TRMO: variants seen among roughly 807,000 people sequenced by gnomAD.
The protein encoded by TRMO is tRNA methyltransferase O, also known as tRNA (adenine(37)-N6)-methyltransferase.
A neutral mutation model predicts 37.2 loss-of-function variants in TRMO; 30 were observed. That is an observed-to-expected ratio of 0.81 (90% CI 0.60 to 1.09). The LOEUF (loss-of-function observed/expected upper bound fraction) is 1.09, where lower values mean the gene tolerates loss of function less well. Ranked by LOEUF, TRMO falls within the 50% of genes least tolerant of loss-of-function variation. The probability of loss-of-function intolerance (pLI) is 0.00; values close to 1 mark genes in which losing one functional copy is unlikely to be tolerated. For synonymous variants in TRMO, 239 were observed against 199.4 expected (o/e 1.20, Z -1.67); for missense variants, 552 against 549.5 (o/e 1.00, Z -0.05).
At chr9:97,900,337 T>C (rs528130711), downstream of TRMO, among the ~76,000 whole-genome samples, 10 of 152,372 alleles carry the variant, frequency 6.6e-5, no homozygotes, top group Admixed American at 6.5e-4. Context: ...AGCTAGCCCA[T>C]GGCAGGGCAG....
chr9:97,904,013 C>A, downstream of TRMO, among the ~76,000 whole-genome samples: 1 of 152,020 alleles, frequency 6.6e-6, no homozygotes, highest in Admixed American at 6.6e-5. Context: ...ACCTGGGAGG[C>A]AGAGATTGCA....
chr9:97,896,888 C>T, the TRMO span, among the ~76,000 whole-genome samples: 1 of 152,132 alleles, frequency 6.6e-6, no homozygotes, highest in South Asian at 2.1e-4. Flanking sequence ...TCCTCATGTT[C>T]CACATATAAA....
chr9:97,913,458 TC>T lies in TRMO; in HGVS notation c.351del (p.Ser118AlafsTer8), dbSNP rs766127779. 1 of 1,614,096 alleles carries T rather than the reference TC, an allele frequency of 6.2e-7. No individual in the cohort carries two copies. On this transcript the variant is annotated frameshift_variant, in exon 3 of 5. Coordinates refer to ENST00000375119, the MANE Select transcript of TRMO (RefSeq NM_016481.5). LOFTEE classifies it high-confidence loss of function. ...CCTATTGCATTGGGACGATGAGGGC[TC>T]CTTGTGGAAAAAACTCCAGTCTTTG... ...NGAKTGVFSTRSPHRPNAIGL... is the reference protein window; with the variant it reads ...NGAKTGVFSTXSPHRPNAIGL...
At chr9:97,909,179 G>A (rs1276863580) in intron 4 of TRMO, among the ~76,000 whole-genome samples, 4 of 151,998 alleles carry the variant, frequency 2.6e-5, no homozygotes, top group East Asian at 1.9e-4. Context: ...CTTGAACTCC[G>A]GACCTCAAGT....
At chr9:97,913,310 G>T (rs538115666) in intron 3 of TRMO, 91 bp downstream of exon 3, 3 of 1,451,210 alleles carry the variant, frequency 2.1e-6, no homozygotes, top group Non-Finnish European at 2.9e-6. Context: ...ATTGGTACTC[G>T]TCTGAATAAA....
intron 3 of TRMO, chr9:97,912,289 T>A (rs963178029): frequency 6.5e-6 from 1 of 152,708 alleles, no homozygotes. Flanking sequence ...ACCTTCCCAA[T>A]TGAAACATTA....
chr9:97,912,784 C>A, intron 3 of TRMO: 1 of 489,272 alleles, frequency 2.0e-6, no homozygotes, highest in Non-Finnish European at 3.8e-6. Context: ...ACAAATGCAT[C>A]TGTTAGGTCA....
At chr9:97,921,716 G>A (rs1826645619) in intron 1 of TRMO, among the ~76,000 whole-genome samples, 1 of 152,062 alleles carries the variant, frequency 6.6e-6, no homozygotes, top group Non-Finnish European at 1.5e-5. Flanking sequence ...GAGCCGCTGC[G>A]CCCGGCCCAA....
chr9:97,904,496 T>C lies in TRMO; in HGVS notation c.*237A>G, dbSNP rs1480996909. The C allele has an allele frequency of 7.6e-7, 1 of 1,318,288 alleles. No individual in the cohort carries two copies. The highest frequency in any genetic ancestry group is 9.7e-7 in the Non-Finnish European group (1 of 1,035,314). 81.7% of individuals were successfully genotyped at this position (1,318,288 alleles called of 1,614,324 possible). A position where few individuals can be genotyped will look rare whatever the true frequency, so the allele number is the denominator to read the frequency against. On this transcript the variant is annotated 3_prime_UTR_variant, in exon 5 of 5. Transcript: ENST00000375119. ...GAAATTATCGAGACAGCATCACCTTTTGATTCTTTAATATCAACAGATCAA... is the reference window on the plus strand; with the variant it reads ...GAAATTATCGAGACAGCATCACCTTCTGATTCTTTAATATCAACAGATCAA...
At chr9:97,903,509 T>C (rs1361519381), downstream of TRMO, among the ~76,000 whole-genome samples, 3 of 152,256 alleles carry the variant, frequency 2.0e-5, no homozygotes, top group Non-Finnish European at 4.4e-5. Flanking sequence ...ATGTATCATG[T>C]TGACAGGTGT....
chr9:97,922,286 T>A, intron 1 of TRMO, 132 bp downstream of exon 1: 1 of 660,516 alleles, frequency 1.5e-6, no homozygotes, highest in East Asian at 2.8e-5. Context: ...ACGTGACCCG[T>A]GCCTTCGCCG....
chr9:97,921,567 A>C (rs896498581), intron 1 of TRMO, among the ~76,000 whole-genome samples: 2 of 151,706 alleles, frequency 1.3e-5, no homozygotes, highest in African/African-American at 4.8e-5. Flanking sequence ...GGACTACAGG[A>C]GCCCACCACC....
intron 1 of TRMO, among the ~76,000 whole-genome samples, chr9:97,922,120 G>A (rs1165346656): frequency 2.6e-5 from 4 of 152,090 alleles, no homozygotes; most frequent in African/African-American, 9.7e-5. Flanking sequence ...CATACGCTAT[G>A]GCAAGGAAAC....
intron 1 of TRMO, among the ~76,000 whole-genome samples, chr9:97,922,125 G>A (rs540725865): frequency 6.6e-6 from 1 of 152,246 alleles, no homozygotes; most frequent in South Asian, 2.1e-4. Context: ...GCTATGGCAA[G>A]GAAACCCCTA....
the TRMO span, among the ~76,000 whole-genome samples, chr9:97,898,916 T>G: frequency 7.2e-6 from 1 of 138,314 alleles, no homozygotes; most frequent in Non-Finnish European, 1.5e-5. Context: ...CTCGGCTCAC[T>G]GCAAGCTCCG....
downstream of TRMO, chr9:97,904,452 C>A: frequency 1.7e-6 from 2 of 1,196,952 alleles, no homozygotes; most frequent in Non-Finnish European, 2.1e-6. Flanking sequence ...ATCAAGTGCA[C>A]CAAGAACAGC....
the TRMO span, among the ~76,000 whole-genome samples, chr9:97,898,870 C>T: frequency 3.0e-4 from 26 of 85,516 alleles, no homozygotes; most frequent in South Asian, 3.8e-4. Flanking sequence ...GATGGAGACT[C>T]GCTCTGTCAG....
At chr9:97,905,175 A>C (rs966214753) in intron 4 of TRMO, among the ~76,000 whole-genome samples, 183 bp from the exon 5 acceptor site, 1 of 152,168 alleles carries the variant, frequency 6.6e-6, no homozygotes, top group African/African-American at 2.4e-5. Flanking sequence ...ATTAGGTTTA[A>C]CTTGTACACC....
At chr9:97,898,360 G>C in the TRMO span, among the ~76,000 whole-genome samples, 1 of 151,986 alleles carries the variant, frequency 6.6e-6, no homozygotes, top group Non-Finnish European at 1.5e-5. Flanking sequence ...GTCTGAGATA[G>C]GGTCTTTGTC....
Sources: gnomAD v4.1 joint callset for allele counts (sites outside exome capture counted in the v4.1 genomes callset) on GRCh38, gnomAD v4.1.1 for gene constraint, MANE v1.5 for transcripts, NCBI Gene and HGNC (gene_info 2026-07-23, HGNC 2026-07-21) for gene names.